The following ZNF44 variants were observed in gnomAD, a reference collection of about 807,000 sequenced individuals.
ZNF44 encodes gonadotropin inducible transcription repressor-2.
In ZNF44, 9 loss-of-function variants were observed where a neutral mutation model predicts 11.7. The ratio of observed to expected loss-of-function variants is 0.77; its 90% CI spans 0.46 to 1.35. The LOEUF is 1.35. ZNF44 is among the 40% of genes most tolerant of loss of function. The probability of loss-of-function intolerance (pLI) is 0.00; values close to 1 mark genes in which losing one functional copy is unlikely to be tolerated. For missense variants in ZNF44, 696 were observed against 743.1 expected, an observed-to-expected ratio of 0.94 and a Z score of 0.74; for synonymous variants, 224 against 242.7, an observed-to-expected ratio of 0.92 and a Z score of 0.72.
At chr19:12,289,283 G>A (rs1967901006) in intron 1 of ZNF44, among the ~76,000 whole-genome samples, 1 of 152,032 alleles carries the variant, frequency 6.6e-6, no homozygotes, top group African/African-American at 2.4e-5. Flanking sequence ...ACTCTAGTCT[G>A]AGCAAGAGTG....
intron 1 of ZNF44, among the ~76,000 whole-genome samples, chr19:12,292,557 C>T (rs1170287680): frequency 6.6e-6 from 1 of 152,066 alleles, no homozygotes; most frequent in East Asian, 1.9e-4. Flanking sequence ...ACCGTCAGGT[C>T]AGGTCGTTCT....
downstream of ZNF44, among the ~76,000 whole-genome samples, chr19:12,268,704 A>G (rs1026668881): frequency 6.6e-6 from 1 of 151,218 alleles, no homozygotes; most frequent in Admixed American, 6.6e-5. Context: ...CCACCCAGTA[A>G]CTGGGACTAC....
intron 2 of ZNF44, among the ~76,000 whole-genome samples, chr19:12,231,824 A>G (rs759105913): frequency 1.3e-5 from 2 of 152,242 alleles, no homozygotes; most frequent in Non-Finnish European, 2.9e-5. Flanking sequence ...TTTGAGAACA[A>G]TAGAGCTATC....
intron 3 of ZNF44, among the ~76,000 whole-genome samples, chr19:12,227,458 C>T (rs1915967280): frequency 6.6e-6 from 1 of 152,158 alleles, no homozygotes; most frequent in African/African-American, 2.4e-5. Flanking sequence ...AAAAATTAGC[C>T]AGGTGTGGTG....
At chr19:12,262,760 T>C (rs928348087) in intron 5 of ZNF44, among the ~76,000 whole-genome samples, 4 of 152,148 alleles carry the variant, frequency 2.6e-5, no homozygotes, top group Non-Finnish European at 4.4e-5. Context: ...CCTTACATCA[T>C]ATTTATCAAC....
intron 1 of ZNF44, among the ~76,000 whole-genome samples, chr19:12,287,884 C>G (rs1432470989): frequency 1.3e-5 from 2 of 152,160 alleles, no homozygotes; most frequent in East Asian, 1.9e-4. Flanking sequence ...TATTAACTAA[C>G]TGGAAACTGA....
intron 2 of ZNF44, among the ~76,000 whole-genome samples, chr19:12,275,565 G>A (rs1967182358): frequency 6.6e-6 from 1 of 152,060 alleles, no homozygotes; most frequent in Admixed American, 6.6e-5. Context: ...AGAATGGTGT[G>A]AACCCGGGAG....
chr19:12,248,271 T>C, exon 8 of ZNF44: 1 of 1,297,028 alleles, frequency 7.7e-7, no homozygotes. Flanking sequence ...TCCACATTCT[T>C]TACACTTAAA....
intron 5 of ZNF44, among the ~76,000 whole-genome samples, chr19:12,259,802 A>C (rs993692527): frequency 6.6e-6 from 1 of 152,210 alleles, no homozygotes; most frequent in African/African-American, 2.4e-5. Flanking sequence ...GTTATCCCCC[A>C]CTAAACCCAA....
chr19:12,283,679 A>C (rs1280246614), intron 1 of ZNF44, among the ~76,000 whole-genome samples: 1 of 152,226 alleles, frequency 6.6e-6, no homozygotes, highest in East Asian at 1.9e-4. Context: ...TAAGAAAATA[A>C]AGTAGCTTCC....
At chr19:12,274,769 A>C (rs975663786) in intron 3 of ZNF44, among the ~76,000 whole-genome samples, 2 of 152,160 alleles carry the variant, frequency 1.3e-5, no homozygotes, top group South Asian at 4.1e-4. Flanking sequence ...TTCCATGGGA[A>C]CTACTTTGCA....
chr19:12,252,878 CTTTTT>C (rs753388314), intron 5 of ZNF44, among the ~76,000 whole-genome samples: 2 of 78,640 alleles, frequency 2.5e-5, no homozygotes, highest in South Asian at 4.6e-4. Context: ...CTACAAGAAA[CTTTTT>C]TTTTTTTTTT....
At chr19:12,267,210 A>C (rs1917769860), downstream of ZNF44, among the ~76,000 whole-genome samples, 1 of 151,692 alleles carries the variant, frequency 6.6e-6, no homozygotes, top group Non-Finnish European at 1.5e-5. Flanking sequence ...ACACCAGGCT[A>C]ATTTTTGTAT....
intron 1 of ZNF44, among the ~76,000 whole-genome samples, chr19:12,279,864 TA>T (rs60621062): frequency 4.0e-4 from 49 of 121,156 alleles, no homozygotes; most frequent in Admixed American, 7.2e-4. Flanking sequence ...TGGTCTGAGT[TA>T]AAAAAAAAAA....
chr19:12,280,337 C>A (rs899277883), intron 1 of ZNF44, among the ~76,000 whole-genome samples: 4 of 152,188 alleles, frequency 2.6e-5, no homozygotes, highest in African/African-American at 9.6e-5. Context: ...CACTTCGGAA[C>A]TGTCTATTAT....
chr19:12,225,467 C>CTGAT (rs1915877130), downstream of ZNF44, among the ~76,000 whole-genome samples: 3 of 152,114 alleles, frequency 2.0e-5, no homozygotes, highest in South Asian at 4.2e-4. Context: ...TTTACTAGGT[C>CTGAT]TGATTGGCTG....
chr19:12,284,248 A>G (rs1967617951), intron 1 of ZNF44: 1 of 358,100 alleles, frequency 2.8e-6, no homozygotes, highest in African/African-American at 2.1e-5. Context: ...AACACAATAT[A>G]TAATCATATG....
chr19:12,268,149 C>CACACACAG (rs1555739622), downstream of ZNF44, among the ~76,000 whole-genome samples: 18 of 85,848 alleles, frequency 2.1e-4, no homozygotes, highest in African/African-American at 4.9e-4. Context: ...CACACAGACA[C>CACACACAG]ACACACACAC....
upstream of ZNF44, chr19:12,237,805 G>A (rs1333278482): frequency 8.0e-5 from 12 of 149,242 alleles, no homozygotes; most frequent in Non-Finnish European, 1.3e-4. Flanking sequence ...TCCTTCTGGA[G>A]CTTGGACGTG....
Sources: allele counts gnomAD v4.1 joint callset (sites outside exome capture counted in the v4.1 genomes callset), GRCh38; gene constraint gnomAD v4.1.1; transcripts MANE v1.5; gene names NCBI Gene and HGNC (gene_info 2026-07-23, HGNC 2026-07-21).